The following PRELID2 variants were observed in gnomAD, a reference collection of about 807,000 sequenced individuals.
PRELID2 encodes the protein PRELI domain-containing protein 2.
A neutral mutation model predicts 28.4 loss-of-function variants in PRELID2; 25 were observed. The observed-to-expected ratio is 0.88, with a 90% confidence interval of 0.64 to 1.23. The LOEUF is 1.23. Ranked by LOEUF, PRELID2 falls within the 50% of genes most tolerant of loss-of-function variation. The pLI, the probability that PRELID2 is intolerant of heterozygous loss-of-function variation, is 0.00. For missense variants in PRELID2, 201 were observed against 214.4 expected, an observed-to-expected ratio of 0.94 and a Z score of 0.39; for synonymous variants, 76 against 71.6, an observed-to-expected ratio of 1.06 and a Z score of -0.31.
intron 1 of PRELID2, among the ~76,000 whole-genome samples, chr5:145,639,978 C>T (rs1394972056): frequency 6.6e-6 from 1 of 152,146 alleles, no homozygotes; most frequent in African/African-American, 2.4e-5. Context: ...ACAGGCCCCA[C>T]CACCCTCTAT....
intron 1 of PRELID2, among the ~76,000 whole-genome samples, chr5:145,670,470 A>G (rs1252659289): frequency 1.3e-5 from 2 of 152,114 alleles, no homozygotes; most frequent in Admixed American, 6.6e-5. Context: ...ATCAAACCAT[A>G]TCACCCATGA....
At chr5:145,276,989 TC>T in the PRELID2 span, among the ~76,000 whole-genome samples, 1 of 152,126 alleles carries the variant, frequency 6.6e-6, no homozygotes, top group East Asian at 1.9e-4. Flanking sequence ...AGTCCAGGTC[TC>T]CTAGATTCAA....
At chr5:145,299,644 CGTGTGTGTGT>C in the PRELID2 span, among the ~76,000 whole-genome samples, 68 of 109,412 alleles carry the variant, frequency 6.2e-4, no homozygotes, top group African/African-American at 1.8e-3. Context: ...TATGTGTGTG[CGTGTGTGTGT>C]GTGTGTGTGT....
intron 1 of PRELID2, among the ~76,000 whole-genome samples, chr5:145,532,357 A>G (rs1330304943): frequency 6.6e-6 from 1 of 152,128 alleles, no homozygotes; most frequent in East Asian, 1.9e-4. Flanking sequence ...AATTGACACA[A>G]AAATTGTACA....
the PRELID2 span, among the ~76,000 whole-genome samples, chr5:145,289,991 A>T: frequency 6.6e-6 from 1 of 152,318 alleles, no homozygotes; most frequent in South Asian, 2.1e-4. Context: ...CAGCAGACAC[A>T]TGAAAAAATG....
intron 1 of PRELID2, among the ~76,000 whole-genome samples, chr5:145,620,696 T>C (rs1753761840): frequency 6.6e-6 from 1 of 152,012 alleles, no homozygotes; most frequent in South Asian, 2.1e-4. Context: ...CATGGCAAAA[T>C]GCAGTGTTAG....
At chr5:145,401,878 C>T in the PRELID2 span, among the ~76,000 whole-genome samples, 1 of 152,190 alleles carries the variant, frequency 6.6e-6, no homozygotes, top group East Asian at 1.9e-4. Flanking sequence ...AGCTCTTTCC[C>T]TCTCGCTACT....
chr5:145,428,284 G>T, the PRELID2 span, among the ~76,000 whole-genome samples: 1 of 152,012 alleles, frequency 6.6e-6, no homozygotes, highest in African/African-American at 2.4e-5. Flanking sequence ...TACTTCTATT[G>T]GTGCCACAGG....
At position 145,636,662 on chromosome 5, in the gene PRELID2, G is replaced by A. The variant is rs562207993; in HGVS notation, n.70+128269C>T. On this transcript the variant is annotated intron_variant and non_coding_transcript_variant, in intron 1 of 2. Transcript: ENST00000510259. The stretch of plus-strand genomic sequence containing the variant: ...GTTGCTAGGCAGCCATTAAACAGCT[G>A]TTTCTATCCACCAGAAGAAGTAGAT... Among the ~76,000 whole-genome samples the A allele has an allele frequency of 6.6e-5, 10 of 152,292 alleles. No homozygotes were observed. In the East Asian group the frequency reaches 1.9e-3, roughly 29 times the overall value.
chr5:145,274,129 C>T, the PRELID2 span, among the ~76,000 whole-genome samples: 9 of 152,108 alleles, frequency 5.9e-5, no homozygotes, highest in Non-Finnish European at 8.8e-5. Flanking sequence ...TCAAATGAAT[C>T]ATTTCCTATA....
chr5:145,726,529 G>A (rs1756171361), intron 1 of PRELID2, among the ~76,000 whole-genome samples: 1 of 152,110 alleles, frequency 6.6e-6, no homozygotes, highest in Admixed American at 6.6e-5. Context: ...TGGATAAGTA[G>A]ATGATTAACA....
At chr5:145,267,865 G>A in the PRELID2 span, among the ~76,000 whole-genome samples, 1 of 152,224 alleles carries the variant, frequency 6.6e-6, no homozygotes, top group South Asian at 2.1e-4. Flanking sequence ...AGGGTAAGGT[G>A]ATATTATTGG....
chr5:145,407,243 C>A, the PRELID2 span, among the ~76,000 whole-genome samples: 13 of 151,978 alleles, frequency 8.6e-5, no homozygotes, highest in African/African-American at 2.7e-4. Context: ...TGCATCAGCT[C>A]TCTGGATATA....
chr5:145,742,235 A>G (rs1260511281), intron 1 of PRELID2, among the ~76,000 whole-genome samples: 6 of 140,310 alleles, frequency 4.3e-5, no homozygotes, highest in Non-Finnish European at 1.5e-5. Flanking sequence ...TATAAATAAA[A>G]TATATTTTTA....
At chr5:145,652,507 C>T (rs1033694820) in intron 1 of PRELID2, among the ~76,000 whole-genome samples, 39 of 152,192 alleles carry the variant, frequency 2.6e-4, no homozygotes, top group South Asian at 8.3e-4. Context: ...AGAGAAAGGT[C>T]GGGTTACCCA....
the PRELID2 span, among the ~76,000 whole-genome samples, chr5:145,267,441 C>T: frequency 2.0e-5 from 3 of 152,184 alleles, no homozygotes; most frequent in Non-Finnish European, 4.4e-5. Context: ...TTTCACTTAA[C>T]ACAATGACCT....
At chr5:145,316,753 G>T in the PRELID2 span, among the ~76,000 whole-genome samples, 1 of 152,160 alleles carries the variant, frequency 6.6e-6, no homozygotes, top group African/African-American at 2.4e-5. Flanking sequence ...TTCCCAGCTT[G>T]TTTGAATGAA....
At chr5:145,801,596 T>G (rs1753147207) in intron 4 of PRELID2, among the ~76,000 whole-genome samples, 1 of 152,338 alleles carries the variant, frequency 6.6e-6, no homozygotes. Flanking sequence ...GAGGTTGCTA[T>G]GCTTTGAAAA....
At chr5:145,542,834 T>A (rs972329852) in intron 1 of PRELID2, among the ~76,000 whole-genome samples, 41 of 151,954 alleles carry the variant, frequency 2.7e-4, no homozygotes, top group African/African-American at 9.9e-4. Flanking sequence ...TTCTTTCTAT[T>A]ATACATGGTA....
Sources: allele counts gnomAD v4.1 joint callset (sites outside exome capture counted in the v4.1 genomes callset), GRCh38; gene constraint gnomAD v4.1.1; transcripts MANE v1.5; gene names NCBI Gene and HGNC (gene_info 2026-07-23, HGNC 2026-07-21).